SNRPA: variants seen among roughly 807,000 people sequenced by gnomAD.
SNRPA encodes the protein small nuclear ribonucleoprotein polypeptide A.
In SNRPA, 10 loss-of-function variants were observed where a neutral mutation model predicts 24.5. That is an observed-to-expected ratio of 0.41 (90% CI 0.25 to 0.69). The LOEUF is 0.69. Ranked by LOEUF, SNRPA falls within the 30% of genes least tolerant of loss-of-function variation. The probability of loss-of-function intolerance (pLI) is 0.33; values close to 1 mark genes in which losing one functional copy is unlikely to be tolerated. For missense variants in SNRPA, 283 were observed against 394.7 expected (o/e 0.72, Z 2.40); for synonymous variants, 165 against 148.4 (o/e 1.11, Z -0.81).
intron 5 of SNRPA, 27 bp downstream of exon 5, chr19:40,763,702 C>T (rs1207066650): frequency 1.9e-6 from 3 of 1,582,114 alleles, no homozygotes; most frequent in Non-Finnish European, 2.6e-6. Flanking sequence ...GCTGGGTGGT[C>T]CCTGGAGGGT....
chr19:40,753,395 T>TG (rs1568483778), intron 1 of SNRPA, among the ~76,000 whole-genome samples: 7 of 111,476 alleles, frequency 6.3e-5, no homozygotes, highest in Non-Finnish European at 1.2e-4. Flanking sequence ...TTTTTTTTTT[T>TG]TTTTTTTTTT....
At chr19:40,757,562 C>A (rs2082913752) in intron 2 of SNRPA, 58 bp downstream of exon 2, 2 of 1,493,906 alleles carry the variant, frequency 1.3e-6, no homozygotes, top group South Asian at 1.3e-5. Context: ...GGAGACTGGG[C>A]GGGCCTGGAT....
chr19:40,751,498 G>A lies in SNRPA; in HGVS notation c.73+17G>A. On this transcript the variant is annotated intron_variant, in intron 1 of 5. Coordinates refer to ENST00000243563, the MANE Select transcript of SNRPA (RefSeq NM_004596.5). The stretch of plus-strand genomic sequence containing the variant: ...AGAAGGATGGTGAGTTCTCGGGATA[G>A]TCCGGAGTCCAGACTGTCCCGCACG... The A allele has an allele frequency of 6.3e-7, 1 of 1,586,774 alleles. No individual in the cohort carries two copies.
chr19:40,751,432 T>A lies in SNRPA; in HGVS notation c.24T>A (p.Pro8=). 6.2e-7 allele frequency: 1 copy of A among 1,613,632 alleles called. No homozygotes were observed. The highest frequency in any genetic ancestry group is 8.5e-7 in the Non-Finnish European group (1 of 1,179,634). The change falls in exon 1 of 6, where the codon CCT becomes CCA. Residue 8 remains proline (P), a synonymous_variant. Coordinates refer to ENST00000243563, the MANE Select transcript of SNRPA (RefSeq NM_004596.5). MAVPETR[P]NHTIYINNLN... ...CCATGGCAGTTCCCGAGACCCGCCCTAACCACACTATTTATATCAACAACC... is the reference window on the plus strand; with the variant it reads ...CCATGGCAGTTCCCGAGACCCGCCCAAACCACACTATTTATATCAACAACC...
chr19:40,751,876 G>A (rs1465379895), intron 1 of SNRPA, among the ~76,000 whole-genome samples: 1 of 152,144 alleles, frequency 6.6e-6, no homozygotes, highest in African/African-American at 2.4e-5. Flanking sequence ...GGCTTTCTTG[G>A]TCACCGGCTT....
intron 2 of SNRPA, 86 bp downstream of exon 2, chr19:40,757,590 C>G: frequency 7.8e-7 from 1 of 1,285,074 alleles, no homozygotes; most frequent in Non-Finnish European, 1.1e-6. Context: ...GGGGATATTA[C>G]GGTTCATTTG....
chr19:40,753,535 T>TAA (rs1187223783), intron 1 of SNRPA, among the ~76,000 whole-genome samples: 4 of 149,158 alleles, frequency 2.7e-5, no homozygotes, highest in Non-Finnish European at 4.5e-5. Flanking sequence ...TAGCTGGAAT[T>TAA]ACAGGCACCC....
Position 40,763,579 on chromosome 19 carries a change from C to T in SNRPA, c.601-8C>T. The T allele has an allele frequency of 6.2e-7, 1 of 1,613,744 alleles. No individual in the cohort carries two copies. The highest frequency in any genetic ancestry group is 8.5e-7 in the Non-Finnish European group (1 of 1,179,702). ...CTTGTGCTCACCGACTCCCCTATAC[C>T]CCCGCAGCTTTCTGAGAATCCACCG... On this transcript the variant is annotated splice_polypyrimidine_tract_variant and splice_region_variant and intron_variant, in intron 4 of 5. Coordinates refer to ENST00000243563, the MANE Select transcript of SNRPA (RefSeq NM_004596.5).
In SNRPA at chr19:40,751,392, C is replaced by T; in HGVS notation, c.-17C>T. The T allele has an allele frequency of 1.2e-6, 2 of 1,601,446 alleles. No individual in the cohort carries two copies. Among genetic ancestry groups the T allele is most frequent in the East Asian group, 2.2e-5 (1 of 44,800 alleles). On this transcript the variant is annotated 5_prime_UTR_variant, in exon 1 of 6. Transcript: ENST00000243563. ...CACGTTTTTCCTCCTTTAAGACTTA[C>T]CTCAACACTTCACTCCATGGCAGTT...
intron 1 of SNRPA, among the ~76,000 whole-genome samples, chr19:40,754,351 C>T (rs943735747): frequency 6.6e-6 from 1 of 151,868 alleles, no homozygotes; most frequent in Admixed American, 6.6e-5. Flanking sequence ...CCACCCGCCT[C>T]GGCCTCCCAA....
At position 40,751,209 on chromosome 19, in the gene SNRPA, G is replaced by C. The variant is rs2082854285; in HGVS notation, c.-200G>C. On this transcript the variant is annotated 5_prime_UTR_variant, in exon 1 of 6. Transcript: ENST00000243563. ...AGTAAATCTCTCGAGAGTTCTCTCC[G>C]CACGCGGGCTGGAGAAGCGGGTCCT... The C allele has an allele frequency of 1.7e-6, 1 of 598,180 alleles. No homozygotes were observed. The highest frequency in any genetic ancestry group is 1.9e-5 in the South Asian group (1 of 52,880). The allele number at this position is 598,180 out of a possible 1,614,324, so 37.1% of individuals were successfully genotyped here.
intron 2 of SNRPA, among the ~76,000 whole-genome samples, chr19:40,758,515 G>A (rs903562880): frequency 6.6e-6 from 1 of 152,152 alleles, no homozygotes; most frequent in Non-Finnish European, 1.5e-5. Flanking sequence ...GTTTATTGCT[G>A]TTCCAGCTTC....
chr19:40,764,300 G>A (rs1239838785), intron 5 of SNRPA, among the ~76,000 whole-genome samples: 2 of 152,178 alleles, frequency 1.3e-5, no homozygotes, highest in Non-Finnish European at 2.9e-5. Context: ...ATGCTGCACT[G>A]CGTGGCACTT....
intron 1 of SNRPA, among the ~76,000 whole-genome samples, chr19:40,754,836 C>T (rs1209176718): frequency 1.3e-5 from 2 of 151,934 alleles, no homozygotes; most frequent in African/African-American, 2.4e-5. Flanking sequence ...AGGGTAAATG[C>T]GAATGGGCGA....
chr19:40,759,705 G>A (rs1746842307), intron 3 of SNRPA, 95 bp downstream of exon 3: 3 of 1,131,498 alleles, frequency 2.7e-6, no homozygotes, highest in Non-Finnish European at 3.7e-6. Flanking sequence ...TTCTCCCCTT[G>A]GGGCTTCAGA....
At chr19:40,757,115 A>G (rs1250384214) in intron 1 of SNRPA, 4 of 562,294 alleles carry the variant, frequency 7.1e-6, no homozygotes, top group South Asian at 2.0e-5. Flanking sequence ...GCACATGTTC[A>G]TTATATAGCA....
At chr19:40,754,544 GA>G (rs1442267659) in intron 1 of SNRPA, among the ~76,000 whole-genome samples, 8 of 152,304 alleles carry the variant, frequency 5.3e-5, no homozygotes, top group African/African-American at 1.9e-4. Context: ...AGACATTTTG[GA>G]GAGCCTGCCA....
intron 2 of SNRPA, among the ~76,000 whole-genome samples, chr19:40,757,832 C>T (rs1252019175): frequency 6.6e-6 from 1 of 151,516 alleles, no homozygotes; most frequent in East Asian, 2.0e-4. Flanking sequence ...GTCCCAGCTA[C>T]TCCTGTGGCT....
At position 40,753,382 on chromosome 19, in the gene SNRPA, ATGT is replaced by A. The variant is rs1245577184; in HGVS notation, c.73+1903_73+1905del. Among the ~76,000 whole-genome samples the A allele has an allele frequency of 2.2e-3, 138 of 62,158 alleles. 3 individuals are homozygous for A. Among genetic ancestry groups the A allele is most frequent in the East Asian group, 0.011 (24 of 2,244 alleles). 40.8% of individuals were successfully genotyped at this position (62,158 alleles called of 152,430 possible). On this transcript the variant is annotated intron_variant, in intron 1 of 5. Transcript: ENST00000243563. ...AAAATCAGGAGTGTAAATTTTGCAT[ATGT>A]TTTTTTTTTTTTTTTTTTTTTTTTT...
Sources: gnomAD v4.1 joint callset for allele counts (sites outside exome capture counted in the v4.1 genomes callset) on GRCh38, gnomAD v4.1.1 for gene constraint, MANE v1.5 for transcripts, NCBI Gene and HGNC (gene_info 2026-07-23, HGNC 2026-07-21) for gene names.